CCDC80: variants seen among roughly 807,000 people sequenced by gnomAD.
CCDC80 encodes coiled-coil domain containing 80.
In CCDC80, 49 loss-of-function variants were observed where a neutral mutation model predicts 78.7. The observed-to-expected ratio is 0.62, with a 90% CI of 0.50 to 0.79. The LOEUF is 0.79. Ranked by LOEUF, CCDC80 falls within the 30% of genes least tolerant of loss-of-function variation. The pLI is 0.00. For missense variants in CCDC80, 1,205 were observed against 1,198.6 expected (o/e 1.01, Z -0.08); for synonymous variants, 488 against 447.0 (o/e 1.09, Z -1.16).
Position 112,639,021 on chromosome 3 carries a change from AT to A in CCDC80, c.884del (p.Asn295MetfsTer34). 2 of 1,607,938 alleles carry A rather than the reference AT, an allele frequency of 1.2e-6. No homozygotes were observed. The highest frequency in any genetic ancestry group is 1.7e-6 in the Non-Finnish European group (2 of 1,178,766). ...GCCTTCCTGCTCCCCCTCCACCGTC[AT>A]TCCCCTCCGCCACCACCTGGCCCTC... ...GVEGQVVAEG[N>X]DGGGGAGRPS... On this transcript the variant is annotated frameshift_variant, in exon 2 of 8. Transcript: ENST00000206423. LOFTEE classifies it high-confidence loss of function.
rs1281560411 is a variant in CCDC80, at chr3:112,603,103, C to T, written c.*2314G>A. The T allele has an allele frequency of 1.3e-5, 2 of 152,170 alleles. No homozygotes were observed. The highest frequency in any genetic ancestry group is 2.9e-5 in the Non-Finnish European group (2 of 68,042). The allele number at this position is 152,170 out of a possible 1,614,324, so 9.4% of individuals were successfully genotyped here. A position where few individuals can be genotyped will look rare whatever the true frequency, so the allele number is the denominator to read the frequency against. On this transcript the variant is annotated 3_prime_UTR_variant, in exon 8 of 8. Transcript: ENST00000206423. ...TTTTCAGAATTATGCTAAATCTAAT[C>T]TGCCTGTGCTCTATAAATGGAGCAA...
In CCDC80 at chr3:112,638,931, C is replaced by G. The variant is rs973336974; in HGVS notation, c.975G>C (p.Glu325Asp). 1.2e-6 allele frequency: 2 copies of G among 1,613,190 alleles called. No homozygotes were observed. Among genetic ancestry groups the G allele is most frequent in the Admixed American group, 1.7e-5 (1 of 60,002 alleles). The change falls in exon 2 of 8, where the codon GAG (glutamate) becomes GAC (aspartate). Residue 325 changes from glutamate to aspartate, a missense_variant. Transcript: ENST00000206423. The part of the protein sequence containing the change: ...PRRAQVPPTR[E>D]SRVKVLRKLA... ...GTTTTCTCAGGACCTTCACCCGACTCTCTCTGGTTGGTGGGACTTGTGCTC... is the reference window on the plus strand; with the variant it reads ...GTTTTCTCAGGACCTTCACCCGACTGTCTCTGGTTGGTGGGACTTGTGCTC...
intron 5 of CCDC80, among the ~76,000 whole-genome samples, chr3:112,610,515 G>A (rs372008766): frequency 6.6e-6 from 1 of 152,136 alleles, no homozygotes; most frequent in Non-Finnish European, 1.5e-5. Flanking sequence ...ATACGGAAAG[G>A]AGATAGAGTA....
At position 112,639,326 on chromosome 3, in the gene CCDC80, C is replaced by T; in HGVS notation, c.580G>A (p.Gly194Ser). The change falls in exon 2 of 8, where the codon GGT (glycine) becomes AGT (serine). Residue 194 changes from glycine to serine, a missense_variant. By Grantham distance (56) the Gly-to-Ser change is moderately conservative. Transcript: ENST00000206423. ...CTTCTCACCTTGCCTCCTTCCTCAC[C>T]TGCCTGGTGGAAGAGCACAATCTGT... ...IQQIVLFHQA[G>S]EEGGKVRRIT... 1 of 1,614,194 alleles carries T rather than the reference C, an allele frequency of 6.2e-7. No homozygotes were observed. The highest frequency in any genetic ancestry group is 1.1e-5 in the South Asian group (1 of 91,082).
intron 6 of CCDC80, among the ~76,000 whole-genome samples, chr3:112,609,229 A>G (rs1935573510): frequency 6.6e-6 from 1 of 152,188 alleles, no homozygotes; most frequent in South Asian, 2.1e-4. Flanking sequence ...AGTAAGTTCT[A>G]TATACTATTC....
At chr3:112,627,650 G>A (rs1559879636) in intron 3 of CCDC80, among the ~76,000 whole-genome samples, 1 of 152,200 alleles carries the variant, frequency 6.6e-6, no homozygotes, top group Admixed American at 6.5e-5. Flanking sequence ...CATGGCTCAT[G>A]CCAATTCTTT....
At chr3:112,627,115 T>C (rs1192929011) in intron 3 of CCDC80, among the ~76,000 whole-genome samples, 2 of 152,236 alleles carry the variant, frequency 1.3e-5, no homozygotes, top group Non-Finnish European at 2.9e-5. Flanking sequence ...AGAAACATGC[T>C]TGCTGTGCAT....
Position 112,616,677 on chromosome 3 carries a change from C to A in CCDC80, c.2321+33G>T, listed in dbSNP as rs531610404. 5.0e-6 allele frequency: 8 copies of A among 1,612,740 alleles called. No individual in the cohort carries two copies. The East Asian group carries it at 1.1e-4, about 22-fold the overall frequency. On this transcript the variant is annotated intron_variant, in intron 5 of 7. Coordinates refer to ENST00000206423, the MANE Select transcript of CCDC80 (RefSeq NM_199511.3). ...TGAGCTCACTCAGAACAAATTTGCACCTTCCTCTTTAGCGACTCCAAAGGT... is the reference window on the plus strand; with the variant it reads ...TGAGCTCACTCAGAACAAATTTGCAACTTCCTCTTTAGCGACTCCAAAGGT...
At position 112,602,102 on chromosome 3, in the gene CCDC80, T is replaced by C. The variant is rs772774829; in HGVS notation, c.*3315A>G. 3 of 152,228 alleles carry C rather than the reference T, an allele frequency of 2.0e-5. No individual in the cohort carries two copies. The highest frequency in any genetic ancestry group is 4.4e-5 in the Non-Finnish European group (3 of 68,036). 9.4% of individuals were successfully genotyped at this position (152,228 alleles called of 1,614,324 possible). A position where few individuals can be genotyped will look rare whatever the true frequency, so the allele number is the denominator to read the frequency against. On this transcript the variant is annotated 3_prime_UTR_variant, in exon 8 of 8. Coordinates refer to ENST00000206423, the MANE Select transcript of CCDC80 (RefSeq NM_199511.3). ...CTCTGTGTCACATTTTGGTAATTCT[T>C]GCCATATTTCACACTGTTTCATTAT...
rs1158697603 is a variant in CCDC80, at chr3:112,639,629, C to T, written c.277G>A (p.Ala93Thr). 3 of 1,614,022 alleles carry T rather than the reference C, an allele frequency of 1.9e-6. No individual in the cohort carries two copies. The highest frequency in any genetic ancestry group is 1.1e-5 in the South Asian group (1 of 91,080). Residue 93 changes from alanine (A) to threonine (T), a missense_variant, in exon 2 of 8, where the codon GCC becomes ACC. Coordinates refer to ENST00000206423, the MANE Select transcript of CCDC80 (RefSeq NM_199511.3). ...LRLARPTEPP[A>T]RSDINGAAVR... is the part of the protein sequence containing the mutation. ...GCGGCCCCATTGATGTCCGAGCGGG[C>T]TGGCGGCTCTGTTGGGCGAGCTAGT... is the stretch of plus-strand genomic sequence containing the variant.
In CCDC80 at chr3:112,605,341, G is replaced by C; in HGVS notation, c.*76C>G. 1 of 995,222 alleles carries C rather than the reference G, an allele frequency of 1.0e-6. No homozygotes were observed. The highest frequency in any genetic ancestry group is 2.3e-5 in the Admixed American group (1 of 43,904). 61.6% of individuals were successfully genotyped at this position (995,222 alleles called of 1,614,324 possible). ...GGCAGGAAATGTAGTACGCAGTGTG[G>C]AAGAATGGAGCTGGCCACATGTAGT... On this transcript the variant is annotated 3_prime_UTR_variant, in exon 8 of 8. Transcript: ENST00000206423.
At chr3:112,617,708 T>C (rs894848217) in intron 4 of CCDC80, among the ~76,000 whole-genome samples, 2 of 152,262 alleles carry the variant, frequency 1.3e-5, no homozygotes, top group African/African-American at 4.8e-5. Flanking sequence ...CAGCCTTTTT[T>C]TCCCGTGAAG....
intron 2 of CCDC80, among the ~76,000 whole-genome samples, chr3:112,630,700 T>C (rs1936080043): frequency 6.6e-6 from 1 of 152,204 alleles, no homozygotes; most frequent in Non-Finnish European, 1.5e-5. Context: ...ACTACTATTA[T>C]TCACATTTCA....
chr3:112,624,576 T>C (rs1365911935), intron 3 of CCDC80, among the ~76,000 whole-genome samples: 1 of 152,194 alleles, frequency 6.6e-6, no homozygotes, highest in African/African-American at 2.4e-5. Flanking sequence ...CATTTTCCTA[T>C]CTACTACCCC....
In CCDC80 at chr3:112,605,439, TA is replaced by T; in HGVS notation, c.2830del (p.Tyr944IlefsTer24). The T allele has an allele frequency of 6.2e-7, 1 of 1,613,494 alleles. No homozygotes were observed. The highest frequency in any genetic ancestry group is 1.3e-5 in the African/African-American group (1 of 75,038). On this transcript the variant is annotated frameshift_variant, in exon 8 of 8. Transcript: ENST00000206423. LOFTEE classifies it high-confidence loss of function. ...TGCTCAGTAAGGGTATCCATGGTGA[TA>T]ACTCTCATGATGACGGTAGTCATCC... ...YQDDYRHHES[Y>X]HHGYPY
rs144892521 is a variant in CCDC80, at chr3:112,639,730, C to T, written c.176G>A (p.Arg59His). 6.2e-7 allele frequency: 1 copy of T among 1,614,098 alleles called. No homozygotes were observed. Among genetic ancestry groups the T allele is most frequent in the Non-Finnish European group, 8.5e-7 (1 of 1,180,022 alleles). ...ARFLRHTGRS[R>H]GIERSTLEEP... is the part of the protein sequence containing the mutation. ...CTCCAGAGTGGATCTCTCAATTCCG[C>T]GAGACCTCCCAGTGTGCCTCAGAAA... The change falls in exon 2 of 8, where the codon CGC becomes CAC. Residue 59 changes from arginine (R) to histidine (H), a missense_variant. Transcript: ENST00000206423.
chr3:112,616,117 T>C (rs1476564364), intron 5 of CCDC80, among the ~76,000 whole-genome samples: 1 of 152,166 alleles, frequency 6.6e-6, no homozygotes, highest in Non-Finnish European at 1.5e-5. Flanking sequence ...CACTCTTCTC[T>C]GGGTATGCTC....
At chr3:112,636,560 C>T (rs938078909) in intron 2 of CCDC80, among the ~76,000 whole-genome samples, 33 of 152,326 alleles carry the variant, frequency 2.2e-4, no homozygotes, top group African/African-American at 7.7e-4. Context: ...GAACTTTGCT[C>T]TGAGTAATAT....
chr3:112,607,375 A>C (rs951191540), intron 6 of CCDC80, 119 bp from the exon 7 acceptor site: 1 of 625,036 alleles, frequency 1.6e-6, no homozygotes, highest in Non-Finnish European at 2.6e-6. Context: ...ATAGAGCATA[A>C]CCCGATTGAG....
Sources: allele counts gnomAD v4.1 joint callset (sites outside exome capture counted in the v4.1 genomes callset), GRCh38; gene constraint gnomAD v4.1.1; transcripts MANE v1.5; gene names NCBI Gene and HGNC (gene_info 2026-07-23, HGNC 2026-07-21).